XRRA1: variants seen among roughly 807,000 people sequenced by gnomAD.
XRRA1 encodes the protein X-ray radiation resistance associated 1.
XRRA1 carries 69 observed loss-of-function variants against 80.2 expected under a neutral mutation model. The ratio of observed to expected loss-of-function variants is 0.86; its 90% confidence interval spans 0.71 to 1.05. The LOEUF is 1.05. Ranked by LOEUF, XRRA1 falls within the 50% of genes least tolerant of loss-of-function variation. XRRA1 has a pLI of 0.00. For synonymous variants in XRRA1, 348 were observed against 389.9 expected, an observed-to-expected ratio of 0.89 and a Z score of 1.27; for missense variants, 967 against 976.4, an observed-to-expected ratio of 0.99 and a Z score of 0.13.
rs1211894271 is a variant in XRRA1, at chr11:74,879,155, A to G, written c.1004-16134T>C. On this transcript the variant is annotated intron_variant, in intron 10 of 18. Coordinates refer to ENST00000684022, the MANE Select transcript of XRRA1 (RefSeq NM_001378157.1). Reference sequence around the variant, plus strand: ...TTTATTTCCTTGAGCAGTGGTTTGTAGTTCTCCTTGGAGAGGTCCTTCACA... The same window carrying G: ...TTTATTTCCTTGAGCAGTGGTTTGTGGTTCTCCTTGGAGAGGTCCTTCACA... 2.7e-5 allele frequency among the ~76,000 whole-genome samples: 4 copies of G among 150,722 alleles called. No homozygotes were observed. The South Asian group carries it at 8.6e-4, about 32-fold the overall frequency.
At chr11:74,892,333 G>A (rs564245835) in intron 10 of XRRA1, among the ~76,000 whole-genome samples, 20 of 152,282 alleles carry the variant, frequency 1.3e-4, no homozygotes, top group Middle Eastern at 3.4e-3. Context: ...AAGTGGTGCC[G>A]GGAAAACTGC....
At position 74,845,055 on chromosome 11, in the gene XRRA1, G is replaced by A; in HGVS notation, c.1927+18C>T. The A allele has an allele frequency of 1.2e-6, 2 of 1,611,748 alleles. No homozygotes were observed. The highest frequency in any genetic ancestry group is 1.7e-6 in the Non-Finnish European group (2 of 1,179,134). ...GAGATGGCCTCTTGCCCTAGAGCAA[G>A]GATATGCCCTCACATACCCTTTGGC... is the stretch of plus-strand genomic sequence containing the variant. On this transcript the variant is annotated intron_variant, in intron 16 of 18. Transcript: ENST00000684022.
At chr11:74,877,235 T>A (rs751245216) in intron 10 of XRRA1, among the ~76,000 whole-genome samples, 1 of 152,158 alleles carries the variant, frequency 6.6e-6, no homozygotes, top group Non-Finnish European at 1.5e-5. Flanking sequence ...TCACAAGTCA[T>A]AAAAGATAGC....
chr11:74,913,804 A>G (rs985016474), intron 8 of XRRA1: 2 of 152,104 alleles, frequency 1.3e-5, no homozygotes, highest in Admixed American at 6.5e-5. Flanking sequence ...CCCCCATCAA[A>G]ATTCAGGGTA....
At chr11:74,894,763 A>G (rs1029994785) in intron 10 of XRRA1, among the ~76,000 whole-genome samples, 6 of 152,298 alleles carry the variant, frequency 3.9e-5, no homozygotes, top group African/African-American at 1.4e-4. Flanking sequence ...CAACCCTTGA[A>G]CCCAAAATAA....
intron 13 of XRRA1, among the ~76,000 whole-genome samples, chr11:74,851,717 C>T (rs1037626104): frequency 1.3e-5 from 2 of 152,236 alleles, no homozygotes; most frequent in Non-Finnish European, 2.9e-5. Flanking sequence ...CCAACTCAGA[C>T]TCTTTCTTGC....
intron 10 of XRRA1, among the ~76,000 whole-genome samples, chr11:74,888,282 A>C (rs2049610263): frequency 6.6e-6 from 1 of 152,184 alleles, no homozygotes; most frequent in Non-Finnish European, 1.5e-5. Context: ...GCTGTTCTGC[A>C]GCCTCCACCG....
chr11:74,870,123 C>T (rs1267488712), intron 10 of XRRA1, among the ~76,000 whole-genome samples: 1 of 152,178 alleles, frequency 6.6e-6, no homozygotes, highest in Non-Finnish European at 1.5e-5. Flanking sequence ...GTCTGATGGC[C>T]ACCTAGATGC....
At position 74,927,462 on chromosome 11, in the gene XRRA1, T is replaced by G; in HGVS notation, c.451A>C (p.Lys151Gln). The change falls in exon 7 of 19, where the codon AAG (lysine) becomes CAG (glutamine). Residue 151 changes from lysine to glutamine, a missense_variant. By Grantham distance (53) the Lys-to-Gln change is moderately conservative. Transcript: ENST00000684022. The stretch of plus-strand genomic sequence containing the variant: ...CCATTAAATGCGAGATCCAGTTCCT[T>G]TAGGGCTGGAAACGTGTGAAATGCC... ...LEAFHTFPAL[K>Q]ELDLAFNGIK... 6.2e-7 allele frequency: 1 copy of G among 1,613,054 alleles called. No individual in the cohort carries two copies. Among genetic ancestry groups the G allele is most frequent in the African/African-American group, 1.3e-5 (1 of 75,034 alleles).
chr11:74,895,250 A>C (rs1468785489), intron 10 of XRRA1, among the ~76,000 whole-genome samples: 1 of 152,186 alleles, frequency 6.6e-6, no homozygotes. Flanking sequence ...GAATCTGTGC[A>C]TTTTGCGGAT....
rs749751521 is a variant in XRRA1, at chr11:74,907,186, G to A, written c.744C>T (p.Leu248=). The A allele has an allele frequency of 6.2e-7, 1 of 1,613,986 alleles. No homozygotes were observed. Among genetic ancestry groups the A allele is most frequent in the East Asian group, 2.2e-5 (1 of 44,882 alleles). ...LETLMLDDNR[L]SNPSCFASLA... is the part of the protein sequence containing the mutation. ...GGCTGGCAAAGCAACTGGGGTTGGA[G>A]AGTCTGTTGTCATCCAGCATCAGTG... The change falls in exon 9 of 19, where the codon CTC becomes CTT. Residue 248 remains leucine, a synonymous_variant. Coordinates refer to ENST00000684022, the MANE Select transcript of XRRA1 (RefSeq NM_001378157.1).
At chr11:74,948,739 T>C (rs1199786928) in intron 1 of XRRA1, among the ~76,000 whole-genome samples, 189 bp downstream of exon 1, 1 of 152,156 alleles carries the variant, frequency 6.6e-6, no homozygotes, top group Non-Finnish European at 1.5e-5. Context: ...AGGCACTCAG[T>C]AAACGCGAGT....
intron 12 of XRRA1, among the ~76,000 whole-genome samples, chr11:74,856,953 A>G (rs2041249621): frequency 6.6e-6 from 1 of 152,232 alleles, no homozygotes; most frequent in African/African-American, 2.4e-5. Flanking sequence ...GAGGTCTCCT[A>G]CTGCTGGGAG....
At chr11:74,843,803 C>G in intron 18 of XRRA1, 51 bp downstream of exon 18, 5 of 1,508,662 alleles carry the variant, frequency 3.3e-6, no homozygotes, top group Non-Finnish European at 3.6e-6. Context: ...TGCCTTTAGC[C>G]AGCAGGCGTG....
At chr11:74,908,298 G>T (rs898252827) in intron 8 of XRRA1, among the ~76,000 whole-genome samples, 1 of 152,208 alleles carries the variant, frequency 6.6e-6, no homozygotes, top group African/African-American at 2.4e-5. Context: ...CGCATAGCTA[G>T]AAAGTGGGAT....
intron 10 of XRRA1, among the ~76,000 whole-genome samples, chr11:74,889,264 A>G (rs950831774): frequency 2.6e-5 from 4 of 152,164 alleles, no homozygotes; most frequent in African/African-American, 9.7e-5. Flanking sequence ...ATTCTTAAAG[A>G]AAAGAATTTT....
Position 74,900,585 on chromosome 11 carries a change from GAA to G in XRRA1, c.1003+5652_1003+5653del, listed in dbSNP as rs35698770. 1.2e-4 allele frequency among the ~76,000 whole-genome samples: 17 copies of G among 146,134 alleles called. No homozygotes were observed. In the East Asian group the frequency reaches 2.0e-3, roughly 17 times the overall value. ...CAACAAGAGTGAAACTCCATCTCAA[GAA>G]AAAAAAAAAATCATTAATTATGGCC... On this transcript the variant is annotated intron_variant, in intron 10 of 18. Transcript: ENST00000684022.
chr11:74,934,815 G>A (rs920875015), intron 4 of XRRA1, among the ~76,000 whole-genome samples: 1 of 152,096 alleles, frequency 6.6e-6, no homozygotes, highest in African/African-American at 2.4e-5. Context: ...TTAGCAGGGG[G>A]CTGATAGTAA....
rs1206199228 is a variant in XRRA1 at position 74,842,508 on chromosome 11, T to G, written c.*692A>C. On this transcript the variant is annotated 3_prime_UTR_variant, in exon 19 of 19. Coordinates refer to ENST00000684022, the MANE Select transcript of XRRA1 (RefSeq NM_001378157.1). ...CTGTGTGTGGATTTTTGGTGCTGTA[T>G]GTGCTCTGGGAGATGCCCCATGTTG... 6.6e-6 allele frequency: 1 copy of G among 152,312 alleles called. No homozygotes were observed. The highest frequency in any genetic ancestry group is 2.4e-5 in the African/African-American group (1 of 41,464). 9.4% of individuals were successfully genotyped at this position (152,312 alleles called of 1,614,324 possible).
Sources: allele counts gnomAD v4.1 joint callset (sites outside exome capture counted in the v4.1 genomes callset), GRCh38; gene constraint gnomAD v4.1.1; transcripts MANE v1.5; gene names NCBI Gene and HGNC (gene_info 2026-07-23, HGNC 2026-07-21).